Variants in PDE4D observed in about 807,000 individuals in gnomAD.
PDE4D encodes the protein phosphodiesterase 4D.
Under a neutral mutation model 87.4 loss-of-function variants are expected in PDE4D, and 24 were observed. The observed-to-expected ratio is 0.27, with a 90% CI of 0.20 to 0.39. The LOEUF is 0.39. Ranked by LOEUF, PDE4D falls within the 10% of genes least tolerant of loss-of-function variation. The pLI is 1.00. For synonymous variants in PDE4D, 384 were observed against 383.2 expected (o/e 1.00, Z -0.02); for missense variants, 714 against 1,041.0 (o/e 0.69, Z 4.32).
chr5:58,977,757 C>T (rs1162754815), intron 11 of PDE4D, among the ~76,000 whole-genome samples: 1 of 152,126 alleles, frequency 6.6e-6, no homozygotes, highest in African/African-American at 2.4e-5. Flanking sequence ...AAGTGAGGAT[C>T]CTGTGTTACA....
rs182018793 is a variant in PDE4D, at chr5:59,618,301, C to T, written c.455+274867G>A. Among the ~76,000 whole-genome samples, 10 of 152,094 alleles carry T rather than the reference C, an allele frequency of 6.6e-5. No individual in the cohort carries two copies. The East Asian group carries it at 1.9e-3, about 29-fold the overall frequency. ...GGAACATGAGGAGGAGTTACCTTGACAGGAATGGAAGATGTAAGACCTGAG... is the reference window on the plus strand; with the variant it reads ...GGAACATGAGGAGGAGTTACCTTGATAGGAATGGAAGATGTAAGACCTGAG... On this transcript the variant is annotated intron_variant, in intron 1 of 14. Transcript: ENST00000340635.
chr5:59,728,174 G>C (rs1756877602), intron 1 of PDE4D, among the ~76,000 whole-genome samples: 2 of 152,018 alleles, frequency 1.3e-5, no homozygotes, highest in African/African-American at 4.8e-5. Context: ...TCTTTCCCAG[G>C]TCACACAGTT....
chr5:60,302,720 T>C (rs1754023659), intron 1 of PDE4D, among the ~76,000 whole-genome samples: 1 of 152,230 alleles, frequency 6.6e-6, no homozygotes, highest in African/African-American at 2.4e-5. Flanking sequence ...TAGGGTTTTG[T>C]TTGCTCTTGA....
intron 1 of PDE4D, among the ~76,000 whole-genome samples, chr5:59,771,005 T>C (rs1379735872): frequency 6.6e-6 from 1 of 151,858 alleles, no homozygotes. Context: ...GTGGCATGCG[T>C]CTGCAGTCCC....
intron 2 of PDE4D, among the ~76,000 whole-genome samples, chr5:60,074,274 C>T (rs1441688468): frequency 1.3e-5 from 2 of 152,106 alleles, no homozygotes; most frequent in African/African-American, 4.8e-5. Context: ...GCTTTAATTT[C>T]ATTATTTACC....
chr5:59,652,533 C>T (rs758087765), intron 1 of PDE4D, among the ~76,000 whole-genome samples: 10 of 152,120 alleles, frequency 6.6e-5, no homozygotes, highest in African/African-American at 2.4e-4. Flanking sequence ...GCAAAATATA[C>T]GAAACTTTCA....
upstream of PDE4D, chr5:59,893,804 G>C (rs1308439605): frequency 7.5e-7 from 1 of 1,331,322 alleles, no homozygotes; most frequent in African/African-American, 1.6e-5. Context: ...GGCCCTGCCA[G>C]CGGGAGGGGT....
intron 1 of PDE4D, among the ~76,000 whole-genome samples, chr5:60,508,848 C>A (rs1160627755): frequency 1.3e-5 from 2 of 152,100 alleles, no homozygotes; most frequent in East Asian, 3.9e-4. Context: ...CAAAGTTTAT[C>A]CAACATGCAG....
At chr5:60,515,398 T>A (rs1041581925) in intron 1 of PDE4D, among the ~76,000 whole-genome samples, 3 of 152,182 alleles carry the variant, frequency 2.0e-5, no homozygotes, top group African/African-American at 7.2e-5. Flanking sequence ...CATAATTTAG[T>A]CCCCCCATTA....
At chr5:59,189,244 GTT>G (rs1392753870) in intron 3 of PDE4D, among the ~76,000 whole-genome samples, 202 of 91,390 alleles carry the variant, frequency 2.2e-3, no homozygotes, top group African/African-American at 9.2e-3. Context: ...TTTTTTTTTT[GTT>G]TTTTTTGTTT....
chr5:60,016,398 G>A (rs1765528756), intron 2 of PDE4D, among the ~76,000 whole-genome samples: 1 of 152,114 alleles, frequency 6.6e-6, no homozygotes, highest in Admixed American at 6.6e-5. Context: ...CAGAGTGGGG[G>A]TTGTGAAGGT....
intron 1 of PDE4D, among the ~76,000 whole-genome samples, chr5:59,707,270 G>A (rs555227895): frequency 7.2e-5 from 11 of 152,184 alleles, no homozygotes; most frequent in Middle Eastern, 3.4e-3. Context: ...ATAACTCTTC[G>A]TGAATAAATT....
chr5:59,927,733 T>C (rs1311302205), intron 3 of PDE4D, among the ~76,000 whole-genome samples: 1 of 152,212 alleles, frequency 6.6e-6, no homozygotes, highest in Non-Finnish European at 1.5e-5. Context: ...AAGTTCTTTT[T>C]GATGATATAC....
intron 5 of PDE4D, among the ~76,000 whole-genome samples, chr5:59,178,904 T>C (rs911232878): frequency 2.0e-5 from 3 of 152,192 alleles, no homozygotes; most frequent in Admixed American, 2.0e-4. Context: ...CCATGTGGCT[T>C]CTCTCACTAG....
intron 1 of PDE4D, among the ~76,000 whole-genome samples, chr5:60,304,346 A>T (rs935445842): frequency 7.9e-5 from 12 of 152,148 alleles, no homozygotes; most frequent in Non-Finnish European, 1.5e-4. Flanking sequence ...CCTTTGGTTG[A>T]TGAAATGGAG....
At chr5:60,511,018 G>A (rs1195351078) in intron 1 of PDE4D, among the ~76,000 whole-genome samples, 1 of 152,076 alleles carries the variant, frequency 6.6e-6, no homozygotes, top group African/African-American at 2.4e-5. Context: ...CGCCCAGGCT[G>A]GAGTGGAGTG....
chr5:59,350,886 C>T (rs1780422610), intron 1 of PDE4D, among the ~76,000 whole-genome samples: 1 of 152,142 alleles, frequency 6.6e-6, no homozygotes, highest in African/African-American at 2.4e-5. Context: ...GTAGAGCTAG[C>T]CAGCTGTCAA....
chr5:59,300,800 C>T (rs1158969293), intron 1 of PDE4D, among the ~76,000 whole-genome samples: 1 of 152,128 alleles, frequency 6.6e-6, no homozygotes, highest in Admixed American at 6.6e-5. Flanking sequence ...AGACTGCCCC[C>T]CACCACACCA....
intron 1 of PDE4D, among the ~76,000 whole-genome samples, chr5:60,468,482 TCTAA>T (rs1273117356): frequency 2.0e-5 from 3 of 151,920 alleles, no homozygotes; most frequent in Non-Finnish European, 2.9e-5. Context: ...CAAATATACT[TCTAA>T]CTTTCTCAAC....
Sources: gnomAD v4.1 joint callset for allele counts (sites outside exome capture counted in the v4.1 genomes callset) on GRCh38, gnomAD v4.1.1 for gene constraint, MANE v1.5 for transcripts, NCBI Gene and HGNC (gene_info 2026-07-23, HGNC 2026-07-21) for gene names.